ME3: variants seen among roughly 807,000 people sequenced by gnomAD.
The protein encoded by ME3 is NADP-dependent malic enzyme, mitochondrial.
Under a neutral mutation model 68.9 loss-of-function variants are expected in ME3, and 48 were observed. The ratio of observed to expected loss-of-function variants is 0.70; its 90% CI spans 0.55 to 0.89. The LOEUF is 0.89. Among genes scored for constraint, ME3 ranks in the 40% least tolerant of loss-of-function variants. The pLI is 0.00. For missense variants in ME3, 675 were observed against 797.4 expected, an observed-to-expected ratio of 0.85 and a Z score of 1.85; for synonymous variants, 320 against 318.8, an observed-to-expected ratio of 1.00 and a Z score of -0.04.
At chr11:86,582,094 T>G (rs1009185069) in intron 2 of ME3, among the ~76,000 whole-genome samples, 1 of 152,258 alleles carries the variant, frequency 6.6e-6, no homozygotes, top group Non-Finnish European at 1.5e-5. Context: ...TAGCAAAGCC[T>G]GCAAGGCTCT....
intron 4 of ME3, among the ~76,000 whole-genome samples, chr11:86,540,823 T>G (rs961718584): frequency 6.6e-6 from 1 of 152,214 alleles, no homozygotes; most frequent in African/African-American, 2.4e-5. Flanking sequence ...GCAGTTTCTC[T>G]TAAGCCACTA....
intron 8 of ME3, among the ~76,000 whole-genome samples, chr11:86,463,710 G>C (rs1950339413): frequency 6.6e-6 from 1 of 152,154 alleles, no homozygotes; most frequent in African/African-American, 2.4e-5. Flanking sequence ...CTTGCCTCTT[G>C]AAAATGTATG....
At chr11:86,451,762 G>A (rs184204433) in intron 8 of ME3, among the ~76,000 whole-genome samples, 1 of 152,306 alleles carries the variant, frequency 6.6e-6, no homozygotes, top group Admixed American at 6.5e-5. Flanking sequence ...CATCATCTAT[G>A]GATGTTTGGA....
chr11:86,652,181 T>C (rs905913483), intron 2 of ME3, among the ~76,000 whole-genome samples: 4 of 152,150 alleles, frequency 2.6e-5, no homozygotes, highest in African/African-American at 7.2e-5. Flanking sequence ...CAGGATATTA[T>C]CCAGGAGAAC....
chr11:86,640,169 G>T (rs531914602), intron 2 of ME3, among the ~76,000 whole-genome samples: 13 of 152,294 alleles, frequency 8.5e-5, no homozygotes, highest in African/African-American at 3.1e-4. Flanking sequence ...AAATAAGACT[G>T]CATGACAATA....
intron 4 of ME3, among the ~76,000 whole-genome samples, chr11:86,524,964 C>G (rs533825022): frequency 1.6e-4 from 24 of 152,314 alleles, no homozygotes; most frequent in African/African-American, 5.8e-4. Context: ...CATTCAAGAT[C>G]AGGAAAGTTA....
chr11:86,512,670 G>T (rs1168276918), intron 4 of ME3, among the ~76,000 whole-genome samples: 1 of 152,200 alleles, frequency 6.6e-6, no homozygotes, highest in Non-Finnish European at 1.5e-5. Context: ...AAATAAGCAT[G>T]TGGAGATGGT....
intron 5 of ME3, among the ~76,000 whole-genome samples, chr11:86,499,733 A>C (rs1367506965): frequency 6.6e-6 from 1 of 152,218 alleles, no homozygotes; most frequent in Non-Finnish European, 1.5e-5. Context: ...AGATTGGTCT[A>C]CTGCCTCTGT....
chr11:86,650,688 T>G (rs567623716), intron 2 of ME3, among the ~76,000 whole-genome samples: 1 of 152,230 alleles, frequency 6.6e-6, no homozygotes, highest in South Asian at 2.1e-4. Flanking sequence ...GATGAATGAT[T>G]TATGCATTTC....
At chr11:86,598,286 CAGG>C (rs1476657893) in intron 2 of ME3, among the ~76,000 whole-genome samples, 1 of 152,206 alleles carries the variant, frequency 6.6e-6, no homozygotes, top group Non-Finnish European at 1.5e-5. Context: ...AATGGCACAC[CAGG>C]AGATTATATC....
chr11:86,611,184 A>G (rs1338446903), intron 2 of ME3, among the ~76,000 whole-genome samples: 1 of 152,220 alleles, frequency 6.6e-6, no homozygotes, highest in Non-Finnish European at 1.5e-5. Flanking sequence ...TACTTGAGGA[A>G]TATAAACAAG....
At chr11:86,542,468 G>A (rs1005015075) in intron 4 of ME3, among the ~76,000 whole-genome samples, 15 of 152,170 alleles carry the variant, frequency 9.9e-5, no homozygotes, top group African/African-American at 3.6e-4. Context: ...TAAATGACCT[G>A]ATGGACCTGA....
chr11:86,574,426 A>ATGTTGT (rs1165710991), intron 2 of ME3, among the ~76,000 whole-genome samples: 7 of 120,354 alleles, frequency 5.8e-5, no homozygotes, highest in Non-Finnish European at 1.2e-4. Flanking sequence ...TTTTTTGTTG[A>ATGTTGT]TGTTGTTGTT....
At chr11:86,498,197 G>C in intron 5 of ME3, 73 bp from the exon 6 acceptor site, 1 of 1,512,538 alleles carries the variant, frequency 6.6e-7, no homozygotes, top group Non-Finnish European at 8.9e-7. Context: ...AGCAGCCCCA[G>C]CCCATCAGGC....
intron 7 of ME3, among the ~76,000 whole-genome samples, chr11:86,467,970 A>G (rs143257053): frequency 6.6e-6 from 1 of 152,052 alleles, no homozygotes; most frequent in African/African-American, 2.4e-5. Flanking sequence ...AGTTCCTAGA[A>G]CTCACCGGAT....
chr11:86,514,665 TA>T (rs1953763975), intron 4 of ME3, among the ~76,000 whole-genome samples: 1 of 152,234 alleles, frequency 6.6e-6, no homozygotes, highest in Admixed American at 6.5e-5. Context: ...TGGCTATGAG[TA>T]AGTTACTTCC....
intron 2 of ME3, among the ~76,000 whole-genome samples, chr11:86,604,626 TTATATC>T (rs1961340924): frequency 6.6e-6 from 1 of 152,198 alleles, no homozygotes; most frequent in Non-Finnish European, 1.5e-5. Flanking sequence ...TTACATAGGT[TTATATC>T]TATAACTCAA....
rs1950274570 is a variant in ME3, at chr11:86,462,567, TG to T, written c.919+2523del. On this transcript the variant is annotated intron_variant, in intron 8 of 14. Transcript: ENST00000543262. The stretch of plus-strand genomic sequence containing the variant: ...GGTGTCCAGTGTAGACATACTCACA[TG>T]AACAGGTGGGTGTGCTTATGAGGAT... 3 of 1,278,582 alleles carry T rather than the reference TG, an allele frequency of 2.3e-6. No individual in the cohort carries two copies. The Admixed American group carries it at 7.0e-5, about 30-fold the overall frequency. 79.2% of individuals were successfully genotyped at this position (1,278,582 alleles called of 1,614,324 possible). A position where few individuals can be genotyped will look rare whatever the true frequency, so the allele number is the denominator to read the frequency against.
chr11:86,514,171 C>A (rs1403357856), intron 4 of ME3, among the ~76,000 whole-genome samples: 1 of 152,148 alleles, frequency 6.6e-6, no homozygotes. Flanking sequence ...GAAGAAGGTG[C>A]CTGCTTCCCC....
Sources: gnomAD v4.1 joint callset for allele counts (sites outside exome capture counted in the v4.1 genomes callset) on GRCh38, gnomAD v4.1.1 for gene constraint, MANE v1.5 for transcripts, NCBI Gene and HGNC (gene_info 2026-07-23, HGNC 2026-07-21) for gene names.